ANKRD50: variants seen among roughly 807,000 people sequenced by gnomAD.
The protein encoded by ANKRD50 is ankyrin repeat domain 50.
A neutral mutation model predicts 112.0 loss-of-function variants in ANKRD50; 40 were observed. The observed-to-expected ratio is 0.36, with a 90% CI of 0.28 to 0.46. The LOEUF is 0.46. Among genes scored for constraint, ANKRD50 ranks in the 20% least tolerant of loss-of-function variants. The probability of loss-of-function intolerance (pLI) is 1.00; values close to 1 mark genes in which losing one functional copy is unlikely to be tolerated. For missense variants in ANKRD50, 1,487 were observed against 1,701.7 expected (o/e 0.87, Z 2.22); for synonymous variants, 613 against 619.1 (o/e 0.99, Z 0.15).
chr4:124,700,174 G>A (rs1237989133), intron 2 of ANKRD50, among the ~76,000 whole-genome samples: 1 of 152,148 alleles, frequency 6.6e-6, no homozygotes, highest in Non-Finnish European at 1.5e-5. Flanking sequence ...TGAAAATAGG[G>A]CAAATAGCCA....
At chr4:124,675,043 C>A (rs550957535) in intron 3 of ANKRD50, among the ~76,000 whole-genome samples, 1 of 151,774 alleles carries the variant, frequency 6.6e-6, no homozygotes, top group Non-Finnish European at 1.5e-5. Flanking sequence ...TAAGATAGGG[C>A]TGAAAAATAA....
At chr4:124,705,099 AAC>A (rs200238666) in intron 2 of ANKRD50, among the ~76,000 whole-genome samples, 39 of 145,108 alleles carry the variant, frequency 2.7e-4, no homozygotes. Context: ...ATCTCAAAAA[AAC>A]AAACAAACAA....
In ANKRD50 at chr4:124,671,909, T is replaced by C. The variant is rs1213410570; in HGVS notation, c.1368A>G (p.Ala456=). The change falls in exon 4 of 5, where the codon GCA becomes GCG. Residue 456 remains alanine (A), a synonymous_variant. Transcript: ENST00000504087. The part of the protein sequence containing the change: ...NLTPLEAQEF[A]LHLINSNLQL... ...GTAAGTTTGAGTTAATTAAGTGCAA[T>C]GCAAATTCTTGTGCTTCCAATGGTG... 3.7e-6 allele frequency: 6 copies of C among 1,613,784 alleles called. No individual in the cohort carries two copies. The African/African-American group carries it at 4.0e-5, about 11-fold the overall frequency.
intron 3 of ANKRD50, among the ~76,000 whole-genome samples, chr4:124,675,126 T>C (rs1286037292): frequency 6.6e-6 from 1 of 151,938 alleles, no homozygotes; most frequent in Admixed American, 6.6e-5. Context: ...TTCTTTTCTA[T>C]TCTTACTTGA....
intron 3 of ANKRD50, among the ~76,000 whole-genome samples, chr4:124,676,062 A>G (rs1016562011): frequency 6.6e-6 from 1 of 151,838 alleles, no homozygotes; most frequent in African/African-American, 2.4e-5. Context: ...TTTCAAATGC[A>G]TACAACTAAA....
intron 2 of ANKRD50, among the ~76,000 whole-genome samples, chr4:124,692,450 GTTAA>G (rs1725159247): frequency 6.6e-6 from 1 of 152,238 alleles, no homozygotes; most frequent in Non-Finnish European, 1.5e-5. Context: ...TGTAATGTAT[GTTAA>G]TTAATTTTCT....
intron 2 of ANKRD50, among the ~76,000 whole-genome samples, chr4:124,690,556 C>T (rs1472526802): frequency 6.6e-6 from 1 of 151,968 alleles, no homozygotes; most frequent in Admixed American, 6.6e-5. Context: ...TAGGACAATA[C>T]AATAAACAGT....
chr4:124,678,212 T>C (rs1481374494), intron 3 of ANKRD50, among the ~76,000 whole-genome samples: 1 of 151,992 alleles, frequency 6.6e-6, no homozygotes, highest in African/African-American at 2.4e-5. Context: ...TTCTTTTATT[T>C]CCCACAAGAC....
At chr4:124,682,956 T>C (rs145926971) in intron 2 of ANKRD50, among the ~76,000 whole-genome samples, 2 of 152,150 alleles carry the variant, frequency 1.3e-5, no homozygotes, top group East Asian at 3.9e-4. Context: ...CAGTAGGATA[T>C]ATTACTAGGA....
At chr4:124,686,181 G>C (rs1262246848) in intron 2 of ANKRD50, among the ~76,000 whole-genome samples, 1 of 152,146 alleles carries the variant, frequency 6.6e-6, no homozygotes, top group Middle Eastern at 3.2e-3. Flanking sequence ...TTAGATAATA[G>C]ATGAACAGAT....
intron 2 of ANKRD50, among the ~76,000 whole-genome samples, chr4:124,687,569 T>C (rs771724558): frequency 1.3e-5 from 2 of 152,134 alleles, no homozygotes; most frequent in Non-Finnish European, 2.9e-5. Context: ...TAGATACTGT[T>C]AAGATAATGA....
Position 124,665,119 on chromosome 4 carries a change from T to C in ANKRD50, c.*2399A>G, listed in dbSNP as rs1167502566. 1 of 151,952 alleles carries C rather than the reference T, an allele frequency of 6.6e-6. No individual in the cohort carries two copies. The highest frequency in any genetic ancestry group is 1.5e-5 in the Non-Finnish European group (1 of 67,848). The allele number at this position is 151,952 out of a possible 1,614,324, so 9.4% of individuals were successfully genotyped here. A position where few individuals can be genotyped will look rare whatever the true frequency, so the allele number is the denominator to read the frequency against. On this transcript the variant is annotated 3_prime_UTR_variant, in exon 5 of 5. Coordinates refer to ENST00000504087, the MANE Select transcript of ANKRD50 (RefSeq NM_020337.3). The stretch of plus-strand genomic sequence containing the variant: ...ACTTTTTAATGGAGCAGAAGCCATT[T>C]TCATTTATAGTATTAAATCCCCCAC...
intron 2 of ANKRD50, among the ~76,000 whole-genome samples, chr4:124,682,239 C>T (rs920445531): frequency 2.0e-5 from 3 of 150,264 alleles, no homozygotes; most frequent in Middle Eastern, 3.2e-3. Flanking sequence ...TGGCGTGAAC[C>T]CGGGAAGCAG....
At chr4:124,685,071 T>C (rs933707317) in intron 2 of ANKRD50, among the ~76,000 whole-genome samples, 1 of 152,198 alleles carries the variant, frequency 6.6e-6, no homozygotes, top group Non-Finnish European at 1.5e-5. Flanking sequence ...CTGCAATTGT[T>C]TTTTTGTAGC....
intron 2 of ANKRD50, among the ~76,000 whole-genome samples, chr4:124,689,799 A>G (rs1166441080): frequency 1.3e-5 from 2 of 152,206 alleles, no homozygotes; most frequent in Admixed American, 1.3e-4. Context: ...GTGTGAGCCA[A>G]TTCCTTACAA....
Position 124,708,325 on chromosome 4 carries a change from C to T in ANKRD50, c.512+1675G>A, listed in dbSNP as rs533293432. Among the ~76,000 whole-genome samples the T allele has an allele frequency of 2.0e-5, 3 of 152,238 alleles. No individual in the cohort carries two copies. In the South Asian group the frequency reaches 6.2e-4, roughly 32 times the overall value. ...ACAGGCATCAACTAACAGATTTCCT[C>T]ATTAATTTAAGAATGATACAACAGT... On this transcript the variant is annotated intron_variant, in intron 2 of 4. Coordinates refer to ENST00000504087, the MANE Select transcript of ANKRD50 (RefSeq NM_020337.3).
In ANKRD50 at chr4:124,666,646, G is replaced by C. The variant is rs181180183; in HGVS notation, c.*872C>G. ...AAAATCTACCCTTAGATAGACAGGTGCATTTCTCTCTGCACACACATGTGA... is the reference window on the plus strand; with the variant it reads ...AAAATCTACCCTTAGATAGACAGGTCCATTTCTCTCTGCACACACATGTGA... On this transcript the variant is annotated 3_prime_UTR_variant, in exon 5 of 5. Coordinates refer to ENST00000504087, the MANE Select transcript of ANKRD50 (RefSeq NM_020337.3). 6.6e-6 allele frequency: 1 copy of C among 152,344 alleles called. No homozygotes were observed. Among genetic ancestry groups the C allele is most frequent in the Non-Finnish European group, 1.5e-5 (1 of 67,910 alleles). 9.4% of individuals were successfully genotyped at this position (152,344 alleles called of 1,614,324 possible).
intron 2 of ANKRD50, among the ~76,000 whole-genome samples, chr4:124,680,098 A>G (rs1240771881): frequency 1.3e-5 from 2 of 152,182 alleles, no homozygotes; most frequent in African/African-American, 4.8e-5. Context: ...TCAAATCCCT[A>G]TTACATGCTT....
chr4:124,666,122 C>G lies in ANKRD50; in HGVS notation c.*1396G>C, dbSNP rs989103125. 5.3e-5 allele frequency: 8 copies of G among 152,302 alleles called. No individual in the cohort carries two copies. Among genetic ancestry groups the G allele is most frequent in the African/African-American group, 1.9e-4 (8 of 41,416 alleles). The allele number at this position is 152,302 out of a possible 1,614,324, so 9.4% of individuals were successfully genotyped here. ...GCCCATTCTAAGATCAAATCCACAA[C>G]CTTGGCTTCTAAACTGTTATGACAA... On this transcript the variant is annotated 3_prime_UTR_variant, in exon 5 of 5. Transcript: ENST00000504087.
Sources: gnomAD v4.1 joint callset for allele counts (sites outside exome capture counted in the v4.1 genomes callset) on GRCh38, gnomAD v4.1.1 for gene constraint, MANE v1.5 for transcripts, NCBI Gene and HGNC (gene_info 2026-07-23, HGNC 2026-07-21) for gene names.